MDGA2: variants seen among roughly 807,000 people sequenced by gnomAD.
The protein encoded by MDGA2 is MAM domain containing glycosylphosphatidylinositol anchor 2, also known as MAM domain-containing glycosylphosphatidylinositol anchor protein 2.
In MDGA2, 40 loss-of-function variants were observed where a neutral mutation model predicts 117.8. The observed-to-expected ratio is 0.34, with a 90% confidence interval of 0.26 to 0.44. MDGA2 has a LOEUF of 0.44. MDGA2 is among the 20% of genes least tolerant of loss of function. The pLI is 1.00. For synonymous variants in MDGA2, 452 were observed against 439.0 expected (o/e 1.03, Z -0.37); for missense variants, 1,123 against 1,250.6 (o/e 0.90, Z 1.54).
intron 8 of MDGA2, among the ~76,000 whole-genome samples, chr14:47,018,098 A>G (rs544820553): frequency 6.6e-6 from 1 of 152,060 alleles, no homozygotes; most frequent in African/African-American, 2.4e-5. Flanking sequence ...GTCCAAATTG[A>G]CCCTATGTTG....
At chr14:47,508,304 A>T (rs1265633266) in intron 1 of MDGA2, among the ~76,000 whole-genome samples, 2 of 150,976 alleles carry the variant, frequency 1.3e-5, no homozygotes, top group Non-Finnish European at 2.9e-5. Flanking sequence ...TATCTGAGTA[A>T]TGTAGAGTTA....
chr14:46,961,255 A>G (rs1339576897), intron 8 of MDGA2, among the ~76,000 whole-genome samples: 1 of 152,152 alleles, frequency 6.6e-6, no homozygotes, highest in Admixed American at 6.5e-5. Context: ...GGTGTCTTTC[A>G]TCTGAGGTAA....
intron 1 of MDGA2, among the ~76,000 whole-genome samples, chr14:47,382,679 G>A (rs1287999586): frequency 1.3e-5 from 2 of 152,170 alleles, no homozygotes; most frequent in Non-Finnish European, 2.9e-5. Flanking sequence ...AGTTAGAATG[G>A]CAGTCATTAA....
chr14:47,056,538 A>G lies in MDGA2; in HGVS notation c.1525+4711T>C, dbSNP rs573093112. ...CAAAATCTGTATTGAGTCTTCTGCT[A>G]TATTTGTCCACCAGATGTCTCATCA... On this transcript the variant is annotated intron_variant, in intron 7 of 16. Transcript: ENST00000399232. Among the ~76,000 whole-genome samples the G allele has an allele frequency of 1.2e-4, 19 of 152,270 alleles. No homozygotes were observed. The South Asian group carries it at 3.3e-3, about 27-fold the overall frequency.
chr14:47,655,133 T>C (rs1897719999), intron 1 of MDGA2, among the ~76,000 whole-genome samples: 1 of 152,134 alleles, frequency 6.6e-6, no homozygotes, highest in African/African-American at 2.4e-5. Context: ...AGATAGATGC[T>C]GGAAGTTGGA....
intron 9 of MDGA2, among the ~76,000 whole-genome samples, chr14:46,953,743 G>C (rs565278753): frequency 1.3e-5 from 2 of 152,118 alleles, no homozygotes; most frequent in South Asian, 4.1e-4. Context: ...AGTGTAGTTA[G>C]TGGGAACATA....
chr14:47,058,900 A>G (rs1889778493), intron 7 of MDGA2: 1 of 977,830 alleles, frequency 1.0e-6, no homozygotes, highest in Admixed American at 6.1e-5. Flanking sequence ...ATTTGCTTTA[A>G]TGCTTTGATG....
chr14:47,072,702 C>T (rs1017489565), intron 6 of MDGA2, among the ~76,000 whole-genome samples: 1 of 152,138 alleles, frequency 6.6e-6, no homozygotes, highest in Non-Finnish European at 1.5e-5. Flanking sequence ...ATTTTAACAA[C>T]CCCTCTGAGT....
intron 1 of MDGA2, among the ~76,000 whole-genome samples, chr14:47,601,493 T>C (rs972188378): frequency 6.6e-6 from 1 of 152,206 alleles, no homozygotes; most frequent in Non-Finnish European, 1.5e-5. Context: ...CCTTAAACTA[T>C]AAAGGATGCT....
chr14:46,982,105 A>G (rs1010723654), intron 8 of MDGA2, among the ~76,000 whole-genome samples: 1 of 152,200 alleles, frequency 6.6e-6, no homozygotes, highest in Non-Finnish European at 1.5e-5. Flanking sequence ...TATTTGAGTG[A>G]TGTCACATAC....
At chr14:47,560,378 G>C (rs985266887) in intron 1 of MDGA2, among the ~76,000 whole-genome samples, 1 of 151,980 alleles carries the variant, frequency 6.6e-6, no homozygotes, top group East Asian at 1.9e-4. Context: ...GCCTATTTTA[G>C]GATTTTTTAA....
intron 1 of MDGA2, among the ~76,000 whole-genome samples, chr14:47,557,986 TTGAGA>T (rs1463955725): frequency 6.6e-6 from 1 of 152,202 alleles, no homozygotes; most frequent in Non-Finnish European, 1.5e-5. Flanking sequence ...TCTTACATAG[TTGAGA>T]TATCAGTGTG....
intron 10 of MDGA2, among the ~76,000 whole-genome samples, chr14:46,903,044 G>T (rs3007110): frequency 0.96 from 146,452 of 152,326 alleles, 70,675 homozygotes; most frequent in Middle Eastern, 1. Context: ...GGGAGGAGCT[G>T]CGCCTCTTCA....
intron 2 of MDGA2, among the ~76,000 whole-genome samples, chr14:47,286,032 G>C (rs72680293): frequency 0.092 from 13,827 of 150,910 alleles, 775 homozygotes; most frequent in Non-Finnish European, 0.11. Flanking sequence ...TTGTGTGTCT[G>C]TGTGTGTGTG....
At chr14:47,031,566 A>G (rs928539530) in intron 8 of MDGA2, among the ~76,000 whole-genome samples, 3 of 152,116 alleles carry the variant, frequency 2.0e-5, no homozygotes, top group Non-Finnish European at 1.5e-5. Context: ...GCTATCCCTG[A>G]TACTTAAGTA....
At position 46,863,174 on chromosome 14, in the gene MDGA2, A is replaced by G. The variant is rs570993274; in HGVS notation, c.2753-8020T>C. On this transcript the variant is annotated intron_variant, in intron 14 of 16. Transcript: ENST00000399232. ...TTGGCCTTTGTTCTCCACCTCCTAT[A>G]TAATTCCCTCTTTTGTAGGATGCTT... Among the ~76,000 whole-genome samples, 83 of 151,972 alleles carry G rather than the reference A, an allele frequency of 5.5e-4. 2 individuals are homozygous for G. The South Asian group carries it at 0.017, about 30-fold the overall frequency.
intron 16 of MDGA2, among the ~76,000 whole-genome samples, chr14:46,844,408 C>T (rs975115227): frequency 1.3e-5 from 2 of 151,970 alleles, no homozygotes; most frequent in Non-Finnish European, 2.9e-5. Context: ...GGTGAAACCG[C>T]GTCTCTACTA....
chr14:46,929,548 T>C, intron 9 of MDGA2, among the ~76,000 whole-genome samples: 1 of 137,268 alleles, frequency 7.3e-6, no homozygotes, highest in Non-Finnish European at 1.5e-5. Flanking sequence ...ATTTATTTGG[T>C]AGGGCAAATG....
chr14:47,670,419 T>C (rs779267845), intron 1 of MDGA2, among the ~76,000 whole-genome samples: 1 of 152,198 alleles, frequency 6.6e-6, no homozygotes, highest in East Asian at 1.9e-4. Flanking sequence ...AATATGTCAA[T>C]AGAGTACTTC....
Sources: gnomAD v4.1 joint callset for allele counts (sites outside exome capture counted in the v4.1 genomes callset) on GRCh38, gnomAD v4.1.1 for gene constraint, MANE v1.5 for transcripts, NCBI Gene and HGNC (gene_info 2026-07-23, HGNC 2026-07-21) for gene names.